The following MYO16 variants were observed in gnomAD, a reference collection of about 807,000 sequenced individuals.
MYO16 encodes unconventional myosin-XVI.
Under a neutral mutation model 205.3 loss-of-function variants are expected in MYO16, and 94 were observed. The observed-to-expected ratio is 0.46, with a 90% CI of 0.39 to 0.54. MYO16 has a LOEUF of 0.54. MYO16 is among the 20% of genes least tolerant of loss of function. MYO16 has a pLI of 0.00. For synonymous variants in MYO16, 988 were observed against 954.0 expected (o/e 1.04, Z -0.66); for missense variants, 2,315 against 2,387.5 (o/e 0.97, Z 0.63).
Position 109,121,134 on chromosome 13 carries a change from A to T in MYO16, c.3535+668A>T, listed in dbSNP as rs193260371. ...AGTCCCTTGAACAGTCTCTGTTCAG[A>T]TTTTAACACATCCAGCTCAAATAAT... On this transcript the variant is annotated intron_variant, in intron 29 of 34. Transcript: ENST00000457511. 3.3e-3 allele frequency among the ~76,000 whole-genome samples: 502 copies of T among 152,308 alleles called. 2 individuals are homozygous for T. Among genetic ancestry groups the T allele is most frequent in the African/African-American group, 0.012 (482 of 41,562 alleles).
At chr13:108,933,815 G>A (rs73616424) in intron 16 of MYO16, among the ~76,000 whole-genome samples, 20,129 of 151,866 alleles carry the variant, frequency 0.13, 2,396 homozygotes, top group African/African-American at 0.31. Context: ...CATGAGCCCA[G>A]TGTTCAGTTC....
chr13:109,002,430 A>G (rs2139463632), intron 21 of MYO16, among the ~76,000 whole-genome samples: 1 of 152,348 alleles, frequency 6.6e-6, no homozygotes, highest in South Asian at 2.1e-4. Context: ...TTCCGTTCCT[A>G]AAGAGTGTGT....
At chr13:108,720,506 A>G (rs1002586332) in intron 3 of MYO16, among the ~76,000 whole-genome samples, 10 of 152,178 alleles carry the variant, frequency 6.6e-5, no homozygotes, top group East Asian at 5.8e-4. Context: ...AACATGGACT[A>G]TATCTCACTC....
At chr13:109,149,456 T>A (rs568415194) in intron 32 of MYO16, among the ~76,000 whole-genome samples, 18 of 152,296 alleles carry the variant, frequency 1.2e-4, no homozygotes, top group African/African-American at 4.1e-4. Context: ...AACTAATCAG[T>A]CTCAAAGTCA....
At chr13:108,527,578 T>A in the MYO16 span, among the ~76,000 whole-genome samples, 4 of 152,206 alleles carry the variant, frequency 2.6e-5, no homozygotes, top group South Asian at 6.2e-4. Flanking sequence ...ATTAAAGAAA[T>A]CATTTTGCAA....
the MYO16 span, among the ~76,000 whole-genome samples, chr13:108,540,175 G>A: frequency 6.6e-6 from 1 of 152,036 alleles, no homozygotes; most frequent in African/African-American, 2.4e-5. Context: ...AAACTACACT[G>A]TAATGAAGGA....
intron 24 of MYO16, 75 bp from the exon 25 acceptor site, chr13:109,052,225 T>C (rs777496492): frequency 1.4e-5 from 19 of 1,320,600 alleles, no homozygotes; most frequent in Non-Finnish European, 2.1e-5. Context: ...GCTAGAGCTC[T>C]TGTATGAAGA....
intron 15 of MYO16, among the ~76,000 whole-genome samples, chr13:108,898,345 T>C (rs1880532277): frequency 9.3e-6 from 1 of 107,456 alleles, no homozygotes; most frequent in Non-Finnish European, 1.8e-5. Flanking sequence ...CAGTTGAGGG[T>C]GTGTGAGTGT....
intron 4 of MYO16, among the ~76,000 whole-genome samples, chr13:108,775,391 C>T (rs1017806541): frequency 5.3e-5 from 8 of 152,072 alleles, no homozygotes; most frequent in African/African-American, 1.9e-4. Context: ...TTGTAGAACA[C>T]ATAGATTTTT....
At chr13:108,983,014 C>A (rs1456442929) in intron 20 of MYO16, among the ~76,000 whole-genome samples, 3 of 151,972 alleles carry the variant, frequency 2.0e-5, no homozygotes, top group Admixed American at 2.0e-4. Context: ...AAAAAAAAAC[C>A]TTTTCAATTG....
intron 20 of MYO16, among the ~76,000 whole-genome samples, chr13:108,968,789 C>T (rs1883897780): frequency 1.3e-5 from 2 of 152,150 alleles, no homozygotes; most frequent in African/African-American, 4.8e-5. Flanking sequence ...TCCAGTAAGC[C>T]CTGAAGTGGC....
At chr13:109,131,237 A>G (rs1876517066) in intron 31 of MYO16, among the ~76,000 whole-genome samples, 1 of 152,242 alleles carries the variant, frequency 6.6e-6, no homozygotes, top group South Asian at 2.1e-4. Flanking sequence ...GCTGCGAATC[A>G]ATTCAGATGG....
At chr13:108,617,375 T>G (rs1358965003) in intron 1 of MYO16, among the ~76,000 whole-genome samples, 1 of 152,162 alleles carries the variant, frequency 6.6e-6, no homozygotes, top group Non-Finnish European at 1.5e-5. Context: ...ATTCCCTCAT[T>G]CCTTCTATGC....
At chr13:108,983,373 A>C (rs747991958) in intron 20 of MYO16, among the ~76,000 whole-genome samples, 1 of 152,178 alleles carries the variant, frequency 6.6e-6, no homozygotes, top group Non-Finnish European at 1.5e-5. Flanking sequence ...TGGGATATTC[A>C]TCCAAGATTT....
At chr13:108,737,887 T>G (rs932434113) in intron 4 of MYO16, among the ~76,000 whole-genome samples, 5 of 152,214 alleles carry the variant, frequency 3.3e-5, no homozygotes, top group Non-Finnish European at 5.9e-5. Context: ...GTCCAGGAAT[T>G]TATCCATTTC....
chr13:108,699,074 CTG>C (rs1883196195), intron 2 of MYO16, among the ~76,000 whole-genome samples: 1 of 108,878 alleles, frequency 9.2e-6, no homozygotes, highest in East Asian at 2.5e-4. Context: ...CTGTCTCTCT[CTG>C]TCTCTCTCTC....
At chr13:109,154,040 GAAAGAGATGCA>G (rs1877845921) in intron 32 of MYO16, among the ~76,000 whole-genome samples, 1 of 152,254 alleles carries the variant, frequency 6.6e-6, no homozygotes, top group African/African-American at 2.4e-5. Context: ...TCTACCACCA[GAAAGAGATGCA>G]ACCGCTACGG....
At chr13:109,088,707 AG>A (rs1888522303) in intron 27 of MYO16, among the ~76,000 whole-genome samples, 1 of 152,242 alleles carries the variant, frequency 6.6e-6, no homozygotes, top group African/African-American at 2.4e-5. Flanking sequence ...AGCGGGCCGC[AG>A]TCCTTCATGC....
At chr13:108,768,486 ATTG>A (rs1885854810) in intron 4 of MYO16, among the ~76,000 whole-genome samples, 1 of 152,200 alleles carries the variant, frequency 6.6e-6, no homozygotes, top group Non-Finnish European at 1.5e-5. Context: ...AGCAGTGAAT[ATTG>A]TTGAATTTCC....
Sources: allele counts gnomAD v4.1 joint callset (sites outside exome capture counted in the v4.1 genomes callset), GRCh38; gene constraint gnomAD v4.1.1; transcripts MANE v1.5; gene names NCBI Gene and HGNC (gene_info 2026-07-23, HGNC 2026-07-21).